Variants in SCAI observed in about 807,000 individuals in gnomAD.
The protein encoded by SCAI is suppressor of cancer cell invasion.
Under a neutral mutation model 92.2 loss-of-function variants are expected in SCAI, and 24 were observed. The observed-to-expected ratio is 0.26, with a 90% CI of 0.19 to 0.37. The LOEUF (loss-of-function observed/expected upper bound fraction) is 0.37. SCAI is among the 10% of genes least tolerant of loss of function. SCAI has a pLI of 1.00. For missense variants in SCAI, 450 were observed against 736.2 expected (o/e 0.61, Z 4.50); for synonymous variants, 261 against 258.6 (o/e 1.01, Z -0.09).
At chr9:124,988,318 G>T (rs1027840024) in intron 14 of SCAI, among the ~76,000 whole-genome samples, 6 of 151,934 alleles carry the variant, frequency 3.9e-5, no homozygotes, top group African/African-American at 1.5e-4. Context: ...TCTTAAGTAT[G>T]AGCAAACAAG....
At chr9:125,046,330 CACA>C (rs1833440903) in intron 3 of SCAI, among the ~76,000 whole-genome samples, 1 of 29,112 alleles carries the variant, frequency 3.4e-5, no homozygotes, top group Non-Finnish European at 6.7e-5. Context: ...CACACACACA[CACA>C]TATATATATG....
chr9:125,131,844 T>C (rs1835407613), intron 2 of SCAI, among the ~76,000 whole-genome samples: 1 of 152,118 alleles, frequency 6.6e-6, no homozygotes, highest in Admixed American at 6.5e-5. Flanking sequence ...ATTAGAAAAA[T>C]GTTCTAGTTT....
chr9:125,073,423 G>A (rs1345527470), intron 2 of SCAI, among the ~76,000 whole-genome samples: 1 of 151,986 alleles, frequency 6.6e-6, no homozygotes, highest in African/African-American at 2.4e-5. Flanking sequence ...ATTTTTTGAG[G>A]AACTGCTATA....
Position 124,952,626 on chromosome 9 carries a change from G to A in SCAI, c.*181C>T, listed in dbSNP as rs1209577787. 4 of 494,652 alleles carry A rather than the reference G, an allele frequency of 8.1e-6. No homozygotes were observed. Among genetic ancestry groups the A allele is most frequent in the Non-Finnish European group, 1.4e-5 (4 of 287,574 alleles). 30.6% of individuals were successfully genotyped at this position (494,652 alleles called of 1,614,324 possible). ...GTTAAGATTTTAAAAGACCTGAAAGGTTGCATTTTAAAACAGTTACCCTAA... is the reference window on the plus strand; with the variant it reads ...GTTAAGATTTTAAAAGACCTGAAAGATTGCATTTTAAAACAGTTACCCTAA... On this transcript the variant is annotated 3_prime_UTR_variant, in exon 18 of 18. Coordinates refer to ENST00000336505, the MANE Select transcript of SCAI (RefSeq NM_001144877.3).
In SCAI at chr9:124,999,959, A is replaced by T; in HGVS notation, c.1176T>A (p.Asn392Lys). 1.3e-6 allele frequency: 2 copies of T among 1,590,996 alleles called. No individual in the cohort carries two copies. The highest frequency in any genetic ancestry group is 1.7e-6 in the Non-Finnish European group (2 of 1,167,294). Reference sequence around the variant, plus strand: ...CTCCATTAATAATATCCCGGTTACTATTAGTAAGTACACCTCCAAAATCAT... The same window carrying T: ...CTCCATTAATAATATCCCGGTTACTTTTAGTAAGTACACCTCCAAAATCAT... ...GPYDFGGVLT[N>K]SNRDIINGDA... The change falls in exon 13 of 18, where the codon AAT becomes AAA. Residue 392 changes from asparagine to lysine, a missense_variant. By Grantham distance (94) the Asn-to-Lys change is moderately conservative. Around this residue, in one of 3 missense-constraint regions of SCAI, gnomAD observed 360 missense variants for 601.8 expected, o/e 0.60. Coordinates refer to ENST00000336505, the MANE Select transcript of SCAI (RefSeq NM_001144877.3).
intron 2 of SCAI, among the ~76,000 whole-genome samples, chr9:125,116,601 G>T (rs751979564): frequency 5.3e-5 from 8 of 151,886 alleles, no homozygotes; most frequent in Non-Finnish European, 1.0e-4. Context: ...GTTTTTACCA[G>T]TTTATAAGAA....
At chr9:125,131,323 G>A (rs1471293056) in intron 2 of SCAI, among the ~76,000 whole-genome samples, 7 of 151,018 alleles carry the variant, frequency 4.6e-5, no homozygotes, top group African/African-American at 1.2e-4. Flanking sequence ...AGGGAGAATC[G>A]CTGGAACCCG....
At chr9:125,038,134 G>A (rs780892275) in intron 3 of SCAI, among the ~76,000 whole-genome samples, 2 of 152,096 alleles carry the variant, frequency 1.3e-5, no homozygotes, top group African/African-American at 4.8e-5. Flanking sequence ...GCACAGGCCT[G>A]TAGTGCTAGC....
chr9:125,089,066 T>G (rs1020792064), intron 2 of SCAI, among the ~76,000 whole-genome samples: 1 of 152,206 alleles, frequency 6.6e-6, no homozygotes, highest in African/African-American at 2.4e-5. Flanking sequence ...ATATACCTTA[T>G]CCAAAACATT....
chr9:124,962,932 G>A lies in SCAI; in HGVS notation c.1674+8438C>T, dbSNP rs1010924493. Among the ~76,000 whole-genome samples the A allele has an allele frequency of 6.6e-5, 10 of 151,118 alleles. No individual in the cohort carries two copies. In the South Asian group the frequency reaches 1.3e-3, roughly 19 times the overall value. ...TCGTGTCTCAGCCTCCTGAGTAGCC[G>A]GGATTACAGGTGCATGCCACCACAG... On this transcript the variant is annotated intron_variant, in intron 17 of 17. Transcript: ENST00000336505.
At chr9:125,118,861 C>A (rs913981919) in intron 2 of SCAI, among the ~76,000 whole-genome samples, 1 of 152,150 alleles carries the variant, frequency 6.6e-6, no homozygotes, top group Non-Finnish European at 1.5e-5. Flanking sequence ...TTATCCATGT[C>A]CCTGCAAAGG....
intron 3 of SCAI, among the ~76,000 whole-genome samples, chr9:125,046,940 T>A (rs1182636566): frequency 6.6e-6 from 1 of 152,136 alleles, no homozygotes; most frequent in Non-Finnish European, 1.5e-5. Context: ...TTTAAATAGC[T>A]AATTTTCTAG....
At chr9:125,025,157 A>G (rs1832943581) in intron 6 of SCAI, among the ~76,000 whole-genome samples, 1 of 152,228 alleles carries the variant, frequency 6.6e-6, no homozygotes, top group African/African-American at 2.4e-5. Context: ...GAAACAACCT[A>G]CAAACTGAAC....
intron 9 of SCAI, among the ~76,000 whole-genome samples, chr9:125,010,510 GGT>G (rs1488885610): frequency 6.6e-6 from 1 of 152,230 alleles, no homozygotes; most frequent in Non-Finnish European, 1.5e-5. Flanking sequence ...GGCTTGCTTA[GGT>G]AAACAAAGCA....
At chr9:125,093,282 AC>A (rs1834476705) in intron 2 of SCAI, among the ~76,000 whole-genome samples, 2 of 151,802 alleles carry the variant, frequency 1.3e-5, no homozygotes, top group Non-Finnish European at 2.9e-5. Context: ...AATTGCTTGA[AC>A]CCAGGAGGGG....
At chr9:125,062,010 T>A (rs1003411878) in intron 2 of SCAI, among the ~76,000 whole-genome samples, 2 of 152,134 alleles carry the variant, frequency 1.3e-5, no homozygotes, top group Non-Finnish European at 2.9e-5. Context: ...TGTTAGTCTA[T>A]TAATTGAAAG....
rs113425062 is a variant in SCAI at position 125,098,001 on chromosome 9, A to G, written c.99-41994T>C. On this transcript the variant is annotated intron_variant, in intron 2 of 17. Transcript: ENST00000336505. ...TTCTGATCTATATAAGAATATATAT[A>G]TGTGTGTGTGTGTGTATATATATAT... 5.2e-4 allele frequency among the ~76,000 whole-genome samples: 79 copies of G among 150,920 alleles called. 2 individuals are homozygous for G. The South Asian group carries it at 7.7e-3, about 15-fold the overall frequency.
chr9:125,143,418 T>C lies in SCAI; in HGVS notation c.20A>G (p.Gln7Arg). 3 of 1,398,620 alleles carry C rather than the reference T, an allele frequency of 2.1e-6. No homozygotes were observed. Among genetic ancestry groups the C allele is most frequent in the Non-Finnish European group, 1.9e-6 (2 of 1,074,646 alleles). The allele number at this position is 1,398,620 out of a possible 1,614,324, so 86.6% of individuals were successfully genotyped here. Reference protein sequence around the residue: MVRGARQPQQPRSRLAP... With the variant: MVRGARRPQQPRSRLAP... ...CAGGCGACTCCGCGGCTGCTGGGGC[T>C]GCCGGGCTCCTCTGACCATCCGGCT... The change falls in exon 1 of 18, where the codon CAG becomes CGG. Residue 7 changes from glutamine (Q) to arginine (R), a missense_variant. This residue lies in a region of SCAI where 70 missense variants were observed against 66.3 expected (regional missense o/e 1.06). Transcript: ENST00000336505.
chr9:124,991,796 C>T (rs1419559623), intron 14 of SCAI, among the ~76,000 whole-genome samples: 1 of 152,112 alleles, frequency 6.6e-6, no homozygotes, highest in African/African-American at 2.4e-5. Flanking sequence ...AAGATTGCAC[C>T]ACTGTACTCC....
Sources: allele counts gnomAD v4.1 joint callset (sites outside exome capture counted in the v4.1 genomes callset), GRCh38; gene constraint gnomAD v4.1.1; regional missense constraint gnomAD v4.1.1; transcripts MANE v1.5; gene names NCBI Gene and HGNC (gene_info 2026-07-23, HGNC 2026-07-21).